SAMD4A: variants seen among roughly 807,000 people sequenced by gnomAD.
SAMD4A encodes protein Smaug homolog 1.
In SAMD4A, 33 loss-of-function variants were observed where a neutral mutation model predicts 81.3. The ratio of observed to expected loss-of-function variants is 0.41; its 90% CI spans 0.31 to 0.54. SAMD4A has a LOEUF of 0.54. SAMD4A is among the 20% of genes least tolerant of loss of function. The probability of loss-of-function intolerance (pLI) is 0.37; values close to 1 mark genes in which losing one functional copy is unlikely to be tolerated. For missense variants in SAMD4A, 854 were observed against 951.1 expected (o/e 0.90, Z 1.34); for synonymous variants, 389 against 382.1 (o/e 1.02, Z -0.21).
chr14:54,712,075 T>C (rs1046844664), intron 3 of SAMD4A, among the ~76,000 whole-genome samples: 3 of 152,146 alleles, frequency 2.0e-5, no homozygotes, highest in Non-Finnish European at 4.4e-5. Flanking sequence ...CAGCTCTAGA[T>C]GGGTCTGGCA....
intron 2 of SAMD4A, among the ~76,000 whole-genome samples, chr14:54,596,310 C>A (rs781779225): frequency 1.3e-5 from 2 of 152,124 alleles, no homozygotes; most frequent in African/African-American, 2.4e-5. Context: ...AGGGGCCGGG[C>A]GCAGTGGCTC....
intron 2 of SAMD4A, among the ~76,000 whole-genome samples, chr14:54,600,386 T>G (rs1421021024): frequency 6.6e-6 from 1 of 152,224 alleles, no homozygotes. Context: ...GTTTTTCTAT[T>G]TATTCCTAAA....
chr14:54,687,156 A>G (rs924332215), intron 2 of SAMD4A: 54 of 353,960 alleles, frequency 1.5e-4, no homozygotes, highest in African/African-American at 9.4e-4. Context: ...CTAACATTAT[A>G]TAAAGAAGTG....
Position 54,760,379 on chromosome 14 carries a change from C to T in SAMD4A, c.1395C>T (p.Ala465=), listed in dbSNP as rs750229457. ...CTGGCGCCACGGCCACCCCCTCGGC[C>T]GGGGCCAGCGGGGGGCTCCAGCCGC... The part of the protein sequence containing the change: ...AATGATATPS[A]GASGGLQPHQ... The change falls in exon 7 of 13, where the codon GCC becomes GCT. Residue 465 remains alanine (A), a synonymous_variant. Transcript: ENST00000554335. The T allele has an allele frequency of 6.7e-5, 102 of 1,521,082 alleles. No homozygotes were observed. In the East Asian group the frequency reaches 1.2e-3, roughly 18 times the overall value. 94.2% of individuals were successfully genotyped at this position (1,521,082 alleles called of 1,614,324 possible).
intron 2 of SAMD4A, among the ~76,000 whole-genome samples, chr14:54,583,689 ATCT>A (rs1349304083): frequency 1.3e-5 from 2 of 152,268 alleles, no homozygotes; most frequent in East Asian, 3.9e-4. Flanking sequence ...CAGTTTTAAG[ATCT>A]TCTTCTAACA....
In SAMD4A at chr14:54,776,410, C is replaced by T. The variant is rs760989380; in HGVS notation, c.1918-4C>T. The T allele has an allele frequency of 3.8e-6, 6 of 1,590,328 alleles. No homozygotes were observed. In the East Asian group the frequency reaches 1.4e-4, roughly 38 times the overall value. On this transcript the variant is annotated splice_region_variant and splice_polypyrimidine_tract_variant and intron_variant, in intron 10 of 12. Coordinates refer to ENST00000554335, the MANE Select transcript of SAMD4A (RefSeq NM_015589.6). ...ACAAGTTCCCCTTTTGCTTTTCTCA[C>T]CAGAACCTGTGGTTTGCCAACCCCG... is the stretch of plus-strand genomic sequence containing the variant.
At chr14:54,626,276 A>C (rs1161999891) in intron 2 of SAMD4A, among the ~76,000 whole-genome samples, 1 of 152,132 alleles carries the variant, frequency 6.6e-6, no homozygotes, top group Non-Finnish European at 1.5e-5. Flanking sequence ...TTTCCACAGG[A>C]TACTGTATTT....
rs1262309959 is a variant in SAMD4A, at chr14:54,747,839, G to A, written c.980-976G>A. 2.0e-5 allele frequency among the ~76,000 whole-genome samples: 3 copies of A among 152,214 alleles called. No homozygotes were observed. In the East Asian group the frequency reaches 5.8e-4, roughly 29 times the overall value. ...CATCTTTAGAATGATCTAGGGATGA[G>A]GGAAGATGATTCTGGAAACTTTCCA... On this transcript the variant is annotated intron_variant, in intron 4 of 12. Coordinates refer to ENST00000554335, the MANE Select transcript of SAMD4A (RefSeq NM_015589.6).
upstream of SAMD4A, among the ~76,000 whole-genome samples, chr14:54,565,330 G>A (rs921242206): frequency 1.3e-5 from 2 of 152,238 alleles, no homozygotes; most frequent in Non-Finnish European, 2.9e-5. This position sits in a 1 kb window ranked among gnomAD's most constrained non-coding sequence, Gnocchi z 5.4. Context: ...GCCGCAGCCC[G>A]CGCGCCAGGC....
chr14:54,762,602 C>T (rs1036242318), intron 7 of SAMD4A, among the ~76,000 whole-genome samples: 4 of 152,112 alleles, frequency 2.6e-5, no homozygotes, highest in Admixed American at 1.3e-4. Flanking sequence ...ACTGAACACG[C>T]GGCACATCGC....
chr14:54,742,865 C>G (rs2037878796), intron 4 of SAMD4A, among the ~76,000 whole-genome samples: 2 of 152,226 alleles, frequency 1.3e-5, no homozygotes, highest in African/African-American at 4.8e-5. Flanking sequence ...GGGCCATTGA[C>G]TGTGAAAATA....
At chr14:54,672,452 A>G (rs144690621) in intron 2 of SAMD4A, among the ~76,000 whole-genome samples, 3 of 152,218 alleles carry the variant, frequency 2.0e-5, no homozygotes, top group East Asian at 1.9e-4. Context: ...TCTTCTACCT[A>G]TCTATAGCTG....
intron 2 of SAMD4A, among the ~76,000 whole-genome samples, chr14:54,655,230 C>G (rs1265773298): frequency 1.3e-5 from 2 of 152,150 alleles, no homozygotes; most frequent in Admixed American, 6.5e-5. Context: ...CAGTCTGCCT[C>G]CCAGTCATAT....
In SAMD4A at chr14:54,780,992, T is replaced by TC. The variant is rs2038986264; in HGVS notation, c.2045-3543dup. On this transcript the variant is annotated intron_variant, in intron 11 of 12. Coordinates refer to ENST00000554335, the MANE Select transcript of SAMD4A (RefSeq NM_015589.6). The stretch of plus-strand genomic sequence containing the variant: ...CCCTTTCTTCTTAGTTCTCTTGTCT[T>TC]CCTTTCTTCTTTACTCATCTCATCA... Among the ~76,000 whole-genome samples the TC allele has an allele frequency of 4.6e-5, 7 of 152,168 alleles. No homozygotes were observed. In the East Asian group the frequency reaches 1.4e-3, roughly 29 times the overall value.
intron 2 of SAMD4A, among the ~76,000 whole-genome samples, chr14:54,575,094 A>G (rs184298342): frequency 6.6e-6 from 1 of 152,332 alleles, no homozygotes; most frequent in African/African-American, 2.4e-5. Flanking sequence ...GTGAGAACTT[A>G]GATGAAGGTT....
chr14:54,749,582 C>G (rs2038050323), intron 5 of SAMD4A, among the ~76,000 whole-genome samples: 1 of 152,172 alleles, frequency 6.6e-6, no homozygotes, highest in Non-Finnish European at 1.5e-5. Context: ...CTTCTGCATG[C>G]CATAAAAATA....
At chr14:54,688,053 G>GCA (rs2036323547) in intron 2 of SAMD4A, 1 of 985,586 alleles carries the variant, frequency 1.0e-6, no homozygotes, top group Non-Finnish European at 1.2e-6. Context: ...AGGAGATGGA[G>GCA]CAATCTCTTA....
chr14:54,654,929 G>T (rs1181665517), intron 2 of SAMD4A, among the ~76,000 whole-genome samples: 1 of 152,236 alleles, frequency 6.6e-6, no homozygotes, highest in Non-Finnish European at 1.5e-5. Context: ...AGGAAATTGA[G>T]TTGATTTTTA....
chr14:54,664,810 A>AAC (rs140875623), intron 2 of SAMD4A, among the ~76,000 whole-genome samples: 25,045 of 141,538 alleles, frequency 0.18, 2,156 homozygotes, highest in Non-Finnish European at 0.2. Context: ...ATGTGAATCC[A>AAC]ACACACACAC....
Sources: gnomAD v4.1 joint callset for allele counts (sites outside exome capture counted in the v4.1 genomes callset) on GRCh38, gnomAD v4.1.1 for gene constraint, Gnocchi (gnomAD v3.1) non-coding constraint, MANE v1.5 for transcripts, NCBI Gene and HGNC (gene_info 2026-07-23, HGNC 2026-07-21) for gene names.